The following TRAF3IP2 variants were observed in gnomAD, a reference collection of about 807,000 sequenced individuals.
The protein encoded by TRAF3IP2 is E3 ubiquitin ligase TRAF3IP2.
TRAF3IP2 carries 35 observed loss-of-function variants against 57.9 expected under a neutral mutation model. The ratio of observed to expected loss-of-function variants is 0.60; its 90% CI spans 0.46 to 0.80. TRAF3IP2 has a LOEUF of 0.80. Among genes scored for constraint, TRAF3IP2 ranks in the 30% least tolerant of loss-of-function variants. TRAF3IP2 has a pLI of 0.00. For synonymous variants in TRAF3IP2, 251 were observed against 268.9 expected (o/e 0.93, Z 0.65); for missense variants, 556 against 706.4 (o/e 0.79, Z 2.41).
intron 6 of TRAF3IP2, chr6:111,567,146 CACA>C (rs1795673885): frequency 1.0e-6 from 1 of 995,348 alleles, no homozygotes; most frequent in African/African-American, 1.7e-5. Context: ...CTTGTTAAAG[CACA>C]ACGTGTCCCA....
chr6:111,586,147 C>T (rs1206080197), intron 2 of TRAF3IP2, among the ~76,000 whole-genome samples: 3 of 152,100 alleles, frequency 2.0e-5, no homozygotes, highest in South Asian at 2.1e-4. Context: ...AAGCAGCTGT[C>T]GTTCCTGAAA....
intron 4 of TRAF3IP2, chr6:111,573,647 A>G (rs967834603): frequency 8.5e-5 from 13 of 152,246 alleles, no homozygotes; most frequent in African/African-American, 2.9e-4. Flanking sequence ...AGACTCCATC[A>G]CTCATCCCTG....
intron 4 of TRAF3IP2, among the ~76,000 whole-genome samples, chr6:111,575,050 C>T (rs1368775386): frequency 2.0e-5 from 3 of 151,814 alleles, no homozygotes; most frequent in African/African-American, 7.3e-5. Context: ...GGCAAAACCC[C>T]GTCTCTAGTA....
At position 111,556,250 on chromosome 6, in the gene TRAF3IP2, G is replaced by A. The variant is rs147436836; in HGVS notation, c.*3155C>T. Among the ~76,000 whole-genome samples, 191 of 151,952 alleles carry A rather than the reference G, an allele frequency of 1.3e-3. No individual in the cohort carries two copies. Among genetic ancestry groups the A allele is most frequent in the African/African-American group, 4.2e-3 (174 of 41,408 alleles). On this transcript the variant is annotated 3_prime_UTR_variant, in exon 9 of 9. Transcript: ENST00000368761. The stretch of plus-strand genomic sequence containing the variant: ...TGTGTCTGTGTGTACTTTTTGGTTT[G>A]TTTTTTTGCTACCAGTGCTACCAGC...
intron 2 of TRAF3IP2, among the ~76,000 whole-genome samples, chr6:111,584,467 G>A (rs1037303787): frequency 3.9e-5 from 6 of 152,120 alleles, no homozygotes; most frequent in African/African-American, 1.2e-4. Flanking sequence ...TTTTGTAAGT[G>A]GAATCTGACC....
Position 111,555,687 on chromosome 6 carries a change from C to G in TRAF3IP2, c.*3718G>C, listed in dbSNP as rs1795213382. Among the ~76,000 whole-genome samples, 1 of 152,280 alleles carries G rather than the reference C, an allele frequency of 6.6e-6. No homozygotes were observed. Among genetic ancestry groups the G allele is most frequent in the Admixed American group, 6.5e-5 (1 of 15,296 alleles). The stretch of plus-strand genomic sequence containing the variant: ...CCTTTGGGCTAAGAGGTTATTTTTA[C>G]TAAGTCAGCCCTACCCCACTTCCAC... On this transcript the variant is annotated 3_prime_UTR_variant, in exon 9 of 9. Coordinates refer to ENST00000368761, the MANE Select transcript of TRAF3IP2 (RefSeq NM_147686.4).
chr6:111,571,057 C>T (rs891828946), intron 5 of TRAF3IP2, among the ~76,000 whole-genome samples: 13 of 151,732 alleles, frequency 8.6e-5, no homozygotes, highest in African/African-American at 2.4e-4. Context: ...CAGGCGCACA[C>T]CACCATGCCA....
intron 3 of TRAF3IP2, 58 bp from the exon 4 acceptor site, chr6:111,575,879 G>T: frequency 6.6e-7 from 1 of 1,513,482 alleles, no homozygotes; most frequent in Non-Finnish European, 9.0e-7. Flanking sequence ...AACCTTCAGG[G>T]ACAGAAAGAC....
At chr6:111,580,895 G>T (rs992317227) in intron 2 of TRAF3IP2, among the ~76,000 whole-genome samples, 6 of 151,676 alleles carry the variant, frequency 4.0e-5, no homozygotes, top group African/African-American at 1.4e-4. Flanking sequence ...CTCTTAAGAA[G>T]AGGTAAATGA....
At chr6:111,594,650 C>T (rs1796623317) in intron 1 of TRAF3IP2, 1 of 340,570 alleles carries the variant, frequency 2.9e-6, no homozygotes, top group Non-Finnish European at 5.8e-6. Context: ...CGTGGTGGCT[C>T]ACACCTGTAA....
chr6:111,581,024 G>T (rs987358122), intron 2 of TRAF3IP2, among the ~76,000 whole-genome samples: 5 of 152,236 alleles, frequency 3.3e-5, no homozygotes, highest in Non-Finnish European at 7.3e-5. Context: ...CTTGAAGAGG[G>T]CTGGGCTCAG....
rs1795718780 is a variant in TRAF3IP2, at chr6:111,568,429, C to CAG, written c.1291-739_1291-738dup. Reference sequence around the variant, plus strand: ...CCTTCTTGGGCTCAGGCTTATACTGCAGAGTGTGTGTGTGTGTGTGTGTGT... The same window carrying CAG: ...CCTTCTTGGGCTCAGGCTTATACTGCAGAGAGTGTGTGTGTGTGTGTGTGTGT... On this transcript the variant is annotated intron_variant, in intron 5 of 8. Coordinates refer to ENST00000368761, the MANE Select transcript of TRAF3IP2 (RefSeq NM_147686.4). 2.8e-5 allele frequency among the ~76,000 whole-genome samples: 3 copies of CAG among 105,500 alleles called. No individual in the cohort carries two copies. In the Admixed American group the frequency reaches 2.9e-4, roughly 10 times the overall value. 69.2% of individuals were successfully genotyped at this position (105,500 alleles called of 152,430 possible).
At position 111,575,814 on chromosome 6, in the gene TRAF3IP2, G is replaced by T. The variant is rs1583226057; in HGVS notation, c.1030C>A (p.Pro344Thr). The change falls in exon 4 of 9, where the codon CCA (proline) becomes ACA (threonine). Residue 344 changes from proline (P) to threonine (T), a missense_variant. Transcript: ENST00000368761. ...FPGLPRHQDQ[P>T]HHQPPNRAGA... ...GCTCTATTAGGTGGCTGGTGATGTG[G>T]CTGGTCCCTAGAAAGGAATACATTT... The T allele has an allele frequency of 6.2e-7, 1 of 1,609,846 alleles. No individual in the cohort carries two copies. The highest frequency in any genetic ancestry group is 1.7e-5 in the Admixed American group (1 of 58,698).
rs2128381982 is a variant in TRAF3IP2 at position 111,591,171 on chromosome 6, A to G, written c.829+87T>C. ...CCCTGCATTCTGACCTGTTCATGCC[A>G]GCCTAGTGACACGAAGCATTGATGT... On this transcript the variant is annotated intron_variant, in intron 2 of 8. Coordinates refer to ENST00000368761, the MANE Select transcript of TRAF3IP2 (RefSeq NM_147686.4). This position sits in a 1 kb window ranked among gnomAD's most constrained non-coding sequence, Gnocchi z 4.9. 1 of 1,110,062 alleles carries G rather than the reference A, an allele frequency of 9.0e-7. No homozygotes were observed. Among genetic ancestry groups the G allele is most frequent in the South Asian group, 2.4e-5 (1 of 41,944 alleles). 68.8% of individuals were successfully genotyped at this position (1,110,062 alleles called of 1,614,324 possible).
chr6:111,574,898 A>G (rs1795933917), intron 4 of TRAF3IP2: 1 of 152,250 alleles, frequency 6.6e-6, no homozygotes, highest in Admixed American at 6.5e-5. Flanking sequence ...AAAAAAGTGC[A>G]TTTTATTTTA....
At chr6:111,578,100 A>C (rs1363307724) in intron 3 of TRAF3IP2, among the ~76,000 whole-genome samples, 2 of 152,204 alleles carry the variant, frequency 1.3e-5, no homozygotes, top group Non-Finnish European at 2.9e-5. Context: ...TGATGCTATA[A>C]AACCAATTAC....
At chr6:111,566,918 C>G (rs1795659967) in intron 6 of TRAF3IP2, 5 of 356,016 alleles carry the variant, frequency 1.4e-5, no homozygotes, top group South Asian at 1.2e-4. Context: ...CTCCCTCCAG[C>G]TGGTTCTGAG....
chr6:111,605,328 C>G (rs959269981), intron 1 of TRAF3IP2, among the ~76,000 whole-genome samples: 1 of 152,198 alleles, frequency 6.6e-6, no homozygotes, highest in Non-Finnish European at 1.5e-5. Flanking sequence ...TTTTTTCCCC[C>G]CTGCACGAAA....
chr6:111,602,300 C>G (rs940864286), intron 1 of TRAF3IP2: 1 of 145,572 alleles, frequency 6.9e-6, no homozygotes, highest in Non-Finnish European at 1.5e-5. Context: ...CTCAAACCAG[C>G]CCATGTTTTT....
Sources: gnomAD v4.1 joint callset for allele counts (sites outside exome capture counted in the v4.1 genomes callset) on GRCh38, gnomAD v4.1.1 for gene constraint, Gnocchi (gnomAD v3.1) non-coding constraint, MANE v1.5 for transcripts, NCBI Gene and HGNC (gene_info 2026-07-23, HGNC 2026-07-21) for gene names.